HHIP: variants seen among roughly 807,000 people sequenced by gnomAD.
HHIP encodes the protein hedgehog-interacting protein.
A neutral mutation model predicts 74.0 loss-of-function variants in HHIP; 12 were observed. That is an observed-to-expected ratio of 0.16 (90% CI 0.10 to 0.26). The LOEUF (loss-of-function observed/expected upper bound fraction) is 0.26, where lower values mean the gene tolerates loss of function less well. HHIP is among the 10% of genes least tolerant of loss of function. HHIP has a pLI of 1.00. For synonymous variants in HHIP, 309 were observed against 311.6 expected, an observed-to-expected ratio of 0.99 and a Z score of 0.09; for missense variants, 788 against 845.0, an observed-to-expected ratio of 0.93 and a Z score of 0.84.
chr4:144,706,098 T>C (rs1730124303), intron 4 of HHIP, among the ~76,000 whole-genome samples: 1 of 152,194 alleles, frequency 6.6e-6, no homozygotes, highest in Non-Finnish European at 1.5e-5. Flanking sequence ...GCCAAGACAG[T>C]GGGAGTTGGC....
At chr4:144,681,377 T>A (rs1729334684) in intron 4 of HHIP, among the ~76,000 whole-genome samples, 1 of 151,742 alleles carries the variant, frequency 6.6e-6, no homozygotes, top group South Asian at 2.1e-4. Context: ...GCTTTTGCTC[T>A]TCAGAGCTTC....
intron 4 of HHIP, among the ~76,000 whole-genome samples, chr4:144,670,653 T>C (rs1243837649): frequency 6.7e-6 from 1 of 150,016 alleles, no homozygotes; most frequent in East Asian, 2.0e-4. Context: ...AACATGTCTG[T>C]TTCATAAGAA....
At chr4:144,670,781 A>G (rs1387905814) in intron 4 of HHIP, among the ~76,000 whole-genome samples, 3 of 150,320 alleles carry the variant, frequency 2.0e-5, no homozygotes, top group Non-Finnish European at 4.4e-5. Flanking sequence ...AAAAAAAAAA[A>G]AAAAAAAGAA....
intron 11 of HHIP, among the ~76,000 whole-genome samples, chr4:144,725,067 G>C (rs2126678836): frequency 6.6e-6 from 1 of 152,186 alleles, no homozygotes; most frequent in African/African-American, 2.4e-5. Flanking sequence ...GACAATGCTA[G>C]AAGTCTGATA....
intron 4 of HHIP, among the ~76,000 whole-genome samples, chr4:144,672,598 C>G (rs967057282): frequency 6.6e-6 from 1 of 152,084 alleles, no homozygotes; most frequent in African/African-American, 2.4e-5. Context: ...TCTTTGGCTT[C>G]TATACTGAGT....
At chr4:144,655,745 G>A (rs2126582620) in intron 2 of HHIP, among the ~76,000 whole-genome samples, 1 of 110,798 alleles carries the variant, frequency 9.0e-6, no homozygotes, top group East Asian at 2.4e-4. Context: ...CTCATGAAGA[G>A]TCAGTAACTT....
chr4:144,710,376 C>G (rs1730259823), intron 7 of HHIP, among the ~76,000 whole-genome samples: 1 of 152,196 alleles, frequency 6.6e-6, no homozygotes, highest in Non-Finnish European at 1.5e-5. Context: ...AATAAAGGGA[C>G]TGTTGCCACA....
intron 1 of HHIP, among the ~76,000 whole-genome samples, chr4:144,649,461 T>A (rs1203688484): frequency 6.6e-6 from 1 of 152,166 alleles, no homozygotes; most frequent in African/African-American, 2.4e-5. Flanking sequence ...TCTATTTTAA[T>A]TTTTTGTATA....
Position 144,742,426 on chromosome 4 carries a change from T to C in HHIP, c.*4469T>C, listed in dbSNP as rs1344337424. 6.6e-5 allele frequency: 10 copies of C among 152,086 alleles called. No individual in the cohort carries two copies. Among genetic ancestry groups the C allele is most frequent in the Admixed American group, 6.6e-4 (10 of 15,254 alleles). The allele number at this position is 152,086 out of a possible 1,614,324, so 9.4% of individuals were successfully genotyped here. A position where few individuals can be genotyped will look rare whatever the true frequency, so the allele number is the denominator to read the frequency against. ...CTCTAGCATAGATACAGGAAAGACA[T>C]GGAGAATAACACTGGGGTTAGCTAA... On this transcript the variant is annotated 3_prime_UTR_variant, in exon 13 of 13. Transcript: ENST00000296575.
In HHIP at chr4:144,743,142, T is replaced by A. The variant is rs182332521; in HGVS notation, c.*5185T>A. 2.0e-4 allele frequency: 30 copies of A among 149,882 alleles called. No individual in the cohort carries two copies. The highest frequency in any genetic ancestry group is 7.3e-4 in the African/African-American group (30 of 40,932). The allele number at this position is 149,882 out of a possible 1,614,324, so 9.3% of individuals were successfully genotyped here. On this transcript the variant is annotated 3_prime_UTR_variant, in exon 13 of 13. Transcript: ENST00000296575. ...TTAACTATCTTCTCTGAATAAGTTCTGGACTTCACCTTAAAATAAGTTTTT... is the reference window on the plus strand; with the variant it reads ...TTAACTATCTTCTCTGAATAAGTTCAGGACTTCACCTTAAAATAAGTTTTT...
chr4:144,664,290 T>A (rs1728796006), intron 4 of HHIP, among the ~76,000 whole-genome samples: 2 of 152,190 alleles, frequency 1.3e-5, no homozygotes, highest in African/African-American at 4.8e-5. Context: ...GAGACAGCAG[T>A]CCCTGTGCCG....
intron 4 of HHIP, among the ~76,000 whole-genome samples, chr4:144,678,868 T>C (rs1234071487): frequency 1.3e-5 from 2 of 152,228 alleles, no homozygotes; most frequent in Non-Finnish European, 2.9e-5. Context: ...GTCTTTATAG[T>C]AGCATGATTT....
chr4:144,692,891 A>AGAG (rs10644315), intron 4 of HHIP, among the ~76,000 whole-genome samples: 90,773 of 151,454 alleles, frequency 0.6, 27,340 homozygotes, highest in South Asian at 0.78. Context: ...AAAGCCATCA[A>AGAG]GAGGAGCCAA....
chr4:144,647,081 T>C, intron 1 of HHIP, 127 bp downstream of exon 1: 2 of 741,280 alleles, frequency 2.7e-6, no homozygotes, highest in Admixed American at 2.8e-5. Context: ...TTCCATAACT[T>C]TTCTATAGCG....
At chr4:144,732,985 T>C (rs1330593412) in intron 11 of HHIP, among the ~76,000 whole-genome samples, 1 of 152,226 alleles carries the variant, frequency 6.6e-6, no homozygotes, top group African/African-American at 2.4e-5. Flanking sequence ...ACTGCTCTTC[T>C]TGTGGTCAGA....
In HHIP at chr4:144,740,987, T is replaced by C. The variant is rs1401461173; in HGVS notation, c.*3030T>C. On this transcript the variant is annotated 3_prime_UTR_variant, in exon 13 of 13. Coordinates refer to ENST00000296575, the MANE Select transcript of HHIP (RefSeq NM_022475.3). ...TGTCCTGGTTCATAGAACCTTGTTT[T>C]CTTGACAGTTATTTAAGGTAATAAA... is the stretch of plus-strand genomic sequence containing the variant. 6.6e-6 allele frequency: 1 copy of C among 152,214 alleles called. No homozygotes were observed. Among genetic ancestry groups the C allele is most frequent in the Non-Finnish European group, 1.5e-5 (1 of 68,040 alleles). The allele number at this position is 152,214 out of a possible 1,614,324, so 9.4% of individuals were successfully genotyped here.
At chr4:144,659,005 G>C in intron 3 of HHIP, 59 bp downstream of exon 3, 1 of 1,408,334 alleles carries the variant, frequency 7.1e-7, no homozygotes, top group South Asian at 1.3e-5. Context: ...CAAATCTTGT[G>C]GTTTTGACAG....
chr4:144,718,881 T>C lies in HHIP; in HGVS notation c.1685T>C (p.Val562Ala), dbSNP rs772543513. The change falls in exon 11 of 13, where the codon GTT becomes GCT. Residue 562 changes from valine (V) to alanine (A), a missense_variant. Physicochemically the swap from Val to Ala is moderately conservative, Grantham distance 64 (BLOSUM62 0). This residue lies in a region of HHIP where 343 missense variants were observed against 347.9 expected (regional missense o/e 0.99). Coordinates refer to ENST00000296575, the MANE Select transcript of HHIP (RefSeq NM_022475.3). The stretch of plus-strand genomic sequence containing the variant: ...TTATTTCTTTCTTTAACAGGTGAAG[T>C]TTACATTTTATCAAGCAGTAAAAGT... Reference protein sequence around the residue: ...LGFGEDELGEVYILSSSKSMT... With the variant: ...LGFGEDELGEAYILSSSKSMT... 1 of 1,603,904 alleles carries C rather than the reference T, an allele frequency of 6.2e-7. No individual in the cohort carries two copies. Among genetic ancestry groups the C allele is most frequent in the Non-Finnish European group, 8.5e-7 (1 of 1,170,970 alleles).
rs1730171931 is a variant in HHIP, at chr4:144,707,186, T to G, written c.1083T>G (p.Pro361=). The G allele has an allele frequency of 2.5e-6, 4 of 1,613,950 alleles. No individual in the cohort carries two copies. The highest frequency in any genetic ancestry group is 2.7e-5 in the African/African-American group (2 of 74,922). The change falls in exon 6 of 13, where the codon CCT becomes CCG. Residue 361 remains proline (P), a synonymous_variant. Coordinates refer to ENST00000296575, the MANE Select transcript of HHIP (RefSeq NM_022475.3). ...TGGGAGGACAACTGCTCTTTGGCCC[T>G]GACGGCTTTTTGTACATCATTCTTG... ...KHLGGQLLFG[P]DGFLYIILGD...
Sources: allele counts gnomAD v4.1 joint callset (sites outside exome capture counted in the v4.1 genomes callset), GRCh38; gene constraint gnomAD v4.1.1; regional missense constraint gnomAD v4.1.1; transcripts MANE v1.5; gene names NCBI Gene and HGNC (gene_info 2026-07-23, HGNC 2026-07-21).